Variants in CACHD1 observed in about 807,000 individuals in gnomAD.
The protein encoded by CACHD1 is cache domain containing 1.
A neutral mutation model predicts 138.7 loss-of-function variants in CACHD1; 71 were observed. The observed-to-expected ratio is 0.51, with a 90% confidence interval of 0.42 to 0.62. The LOEUF is 0.62. Among genes scored for constraint, CACHD1 ranks in the 20% least tolerant of loss-of-function variants. CACHD1 has a pLI of 0.00. For missense variants in CACHD1, 1,389 were observed against 1,625.3 expected (o/e 0.85, Z 2.50); for synonymous variants, 578 against 591.5 (o/e 0.98, Z 0.33).
chr1:64,623,182 A>G (rs948063634), intron 4 of CACHD1, among the ~76,000 whole-genome samples: 1 of 152,126 alleles, frequency 6.6e-6, no homozygotes. Flanking sequence ...TGGGCAGATC[A>G]CCTGAGGTCA....
At chr1:64,510,236 A>T (rs1197058747) in intron 1 of CACHD1, among the ~76,000 whole-genome samples, 2 of 152,164 alleles carry the variant, frequency 1.3e-5, no homozygotes, top group Non-Finnish European at 2.9e-5. Context: ...CAGCATTAAG[A>T]TGAAGATTCA....
intron 1 of CACHD1, among the ~76,000 whole-genome samples, chr1:64,538,352 G>A (rs1646651122): frequency 6.6e-6 from 1 of 152,180 alleles, no homozygotes; most frequent in Non-Finnish European, 1.5e-5. Flanking sequence ...AGCAGTTTCA[G>A]AGATATATTT....
In CACHD1 at chr1:64,691,703, T is replaced by A. The variant is rs375535705; in HGVS notation, c.*142T>A. The A allele has an allele frequency of 3.0e-6, 2 of 674,502 alleles. No individual in the cohort carries two copies. The highest frequency in any genetic ancestry group is 5.4e-5 in the East Asian group (2 of 36,772). The allele number at this position is 674,502 out of a possible 1,614,324, so 41.8% of individuals were successfully genotyped here. ...AGAGTTGTTTGAGTCATTTCCTGCCTGTCGACATGGTTAAAAACGAGAGAA... is the reference window on the plus strand; with the variant it reads ...AGAGTTGTTTGAGTCATTTCCTGCCAGTCGACATGGTTAAAAACGAGAGAA... On this transcript the variant is annotated 3_prime_UTR_variant, in exon 27 of 27. Coordinates refer to ENST00000651257, the MANE Select transcript of CACHD1 (RefSeq NM_020925.4).
At chr1:64,505,892 T>A (rs1437514606) in intron 1 of CACHD1, 1 of 84,976 alleles carries the variant, frequency 1.2e-5, no homozygotes, top group Non-Finnish European at 2.4e-5. Flanking sequence ...CCCCGCTTCG[T>A]CCCCGGCCGC....
chr1:64,554,429 G>T (rs1469014134), intron 2 of CACHD1, among the ~76,000 whole-genome samples: 1 of 152,286 alleles, frequency 6.6e-6, no homozygotes, highest in South Asian at 2.1e-4. Flanking sequence ...GAAGTGCTGG[G>T]TGTCAGTGTT....
chr1:64,535,555 C>A (rs985719628), intron 1 of CACHD1, among the ~76,000 whole-genome samples: 1 of 152,058 alleles, frequency 6.6e-6, no homozygotes, highest in African/African-American at 2.4e-5. Flanking sequence ...GTACTCCTGA[C>A]CTCAGGTGAT....
At chr1:64,597,384 A>G (rs984341813) in intron 3 of CACHD1, among the ~76,000 whole-genome samples, 1 of 152,150 alleles carries the variant, frequency 6.6e-6, no homozygotes, top group Non-Finnish European at 1.5e-5. Context: ...TCAAGTGAAC[A>G]TCTTGCAAGC....
chr1:64,640,925 C>G (rs1233096463), intron 7 of CACHD1, among the ~76,000 whole-genome samples: 2 of 151,468 alleles, frequency 1.3e-5, no homozygotes, highest in African/African-American at 4.8e-5. Context: ...GACAGAAGTT[C>G]TACGGGACCA....
Position 64,658,760 on chromosome 1 carries a change from T to C in CACHD1, c.1838T>C (p.Val613Ala), listed in dbSNP as rs1649345763. ...CIVVIQPEIP[V>A]KQLKNLNTVP... Reference sequence around the variant, plus strand: ...GTGGTGATACAACCAGAAATACCTGTGAAACAACTGAAGAACCTCAACACT... The same window carrying C: ...GTGGTGATACAACCAGAAATACCTGCGAAACAACTGAAGAACCTCAACACT... Residue 613 changes from valine (V) to alanine (A), a missense_variant, in exon 13 of 27, where the codon GTG becomes GCG. This residue lies in a region of CACHD1 where 1,000 missense variants were observed against 1,114.7 expected (regional missense o/e 0.90). Transcript: ENST00000651257. 6.2e-7 allele frequency: 1 copy of C among 1,611,104 alleles called. No individual in the cohort carries two copies.
intron 2 of CACHD1, among the ~76,000 whole-genome samples, chr1:64,575,446 C>G (rs1475646329): frequency 1.3e-5 from 2 of 152,136 alleles, no homozygotes; most frequent in Non-Finnish European, 2.9e-5. Context: ...AATATTTGTG[C>G]TTAAAATTAT....
chr1:64,593,417 CTTA>C (rs1413318965), intron 3 of CACHD1, among the ~76,000 whole-genome samples: 1 of 152,018 alleles, frequency 6.6e-6, no homozygotes, highest in Non-Finnish European at 1.5e-5. Context: ...CATCTTATTT[CTTA>C]TTATTACTGT....
intron 1 of CACHD1, among the ~76,000 whole-genome samples, chr1:64,525,039 C>G (rs1340657516): frequency 6.6e-6 from 1 of 152,116 alleles, no homozygotes; most frequent in Non-Finnish European, 1.5e-5. Context: ...CTTTGTACCT[C>G]CATATCCAGT....
Position 64,559,052 on chromosome 1 carries a change from T to C in CACHD1, c.261+8396T>C, listed in dbSNP as rs181396596. 2.2e-3 allele frequency among the ~76,000 whole-genome samples: 329 copies of C among 152,046 alleles called. 1 individual carries two copies. Among genetic ancestry groups the C allele is most frequent in the African/African-American group, 7.3e-3 (302 of 41,448 alleles). On this transcript the variant is annotated intron_variant, in intron 2 of 26. Transcript: ENST00000651257. Reference sequence around the variant, plus strand: ...AACACTAATACACTGTTGGTGGGAGTGTAAATTAGTTCAACCATTGTGGAA... The same window carrying C: ...AACACTAATACACTGTTGGTGGGAGCGTAAATTAGTTCAACCATTGTGGAA...
chr1:64,558,172 C>A (rs1646812611), intron 2 of CACHD1, among the ~76,000 whole-genome samples: 1 of 152,190 alleles, frequency 6.6e-6, no homozygotes, highest in Non-Finnish European at 1.5e-5. Context: ...CACCAAGGAC[C>A]ACTACTTTGC....
At chr1:64,678,343 C>T (rs1258826414) in intron 23 of CACHD1, 33 bp downstream of exon 23, 1 of 1,519,836 alleles carries the variant, frequency 6.6e-7, no homozygotes, top group South Asian at 1.3e-5. Context: ...CAATTTGATT[C>T]TTGAATATAC....
intron 1 of CACHD1, among the ~76,000 whole-genome samples, chr1:64,485,818 C>A (rs372097788): frequency 2.1e-3 from 322 of 152,206 alleles, no homozygotes; most frequent in Admixed American, 3.6e-3. Flanking sequence ...TGTTTCAAAT[C>A]TACTATTAAA....
intron 1 of CACHD1, among the ~76,000 whole-genome samples, chr1:64,486,346 G>A (rs10889485): frequency 0.73 from 103,816 of 142,264 alleles, 39,816 homozygotes; most frequent in Non-Finnish European, 0.84. Context: ...TTTTGAGAGC[G>A]CGCGCACACA....
At chr1:64,586,205 A>G (rs1345939155) in intron 3 of CACHD1, among the ~76,000 whole-genome samples, 1 of 152,176 alleles carries the variant, frequency 6.6e-6, no homozygotes, top group Non-Finnish European at 1.5e-5. Flanking sequence ...CTGGGACTAC[A>G]GGGGCGTGCC....
intron 13 of CACHD1, among the ~76,000 whole-genome samples, chr1:64,662,577 A>T (rs1649478891): frequency 6.6e-6 from 1 of 152,242 alleles, no homozygotes; most frequent in African/African-American, 2.4e-5. Flanking sequence ...ACGTGTGAGA[A>T]CTAACAAAAG....
Sources: allele counts gnomAD v4.1 joint callset (sites outside exome capture counted in the v4.1 genomes callset), GRCh38; gene constraint gnomAD v4.1.1; regional missense constraint gnomAD v4.1.1; transcripts MANE v1.5; gene names NCBI Gene and HGNC (gene_info 2026-07-23, HGNC 2026-07-21).